The following SCN3A variants were observed in gnomAD, a reference collection of about 807,000 sequenced individuals.
SCN3A encodes the protein sodium voltage-gated channel alpha subunit 3.
A neutral mutation model predicts 187.6 loss-of-function variants in SCN3A; 60 were observed. The ratio of observed to expected loss-of-function variants is 0.32; its 90% confidence interval spans 0.26 to 0.40. The LOEUF (loss-of-function observed/expected upper bound fraction) is 0.40. SCN3A is among the 10% of genes least tolerant of loss of function. The pLI is 1.00. For synonymous variants in SCN3A, 788 were observed against 829.2 expected (o/e 0.95, Z 0.85); for missense variants, 1,601 against 2,428.2 (o/e 0.66, Z 7.16).
intron 17 of SCN3A, among the ~76,000 whole-genome samples, chr2:165,129,477 T>C (rs1687186694): frequency 6.6e-6 from 1 of 152,192 alleles, no homozygotes; most frequent in African/African-American, 2.4e-5. Context: ...TCTTCAAAAT[T>C]TGGTACTATG....
At chr2:165,157,916 AT>A (rs139629526) in intron 9 of SCN3A, among the ~76,000 whole-genome samples, 1 of 150,674 alleles carries the variant, frequency 6.6e-6, no homozygotes, top group African/African-American at 2.4e-5. Context: ...TGTGGGTTGC[AT>A]TTTTTTTTGT....
chr2:165,149,386 G>T (rs1688549343), intron 11 of SCN3A, among the ~76,000 whole-genome samples: 1 of 151,998 alleles, frequency 6.6e-6, no homozygotes, highest in East Asian at 1.9e-4. Flanking sequence ...TGTTGGCCAG[G>T]CTGATCTCAA....
At chr2:165,095,798 T>A (rs980271456) in intron 24 of SCN3A, 150 bp from the exon 25 acceptor site, 1 of 506,178 alleles carries the variant, frequency 2.0e-6, no homozygotes, top group African/African-American at 1.9e-5. Context: ...TTAAAACTAG[T>A]ATGATCTAGT....
intron 9 of SCN3A, among the ~76,000 whole-genome samples, chr2:165,161,137 CTTTTTTTTTTTTTTTTTTT>C (rs61608647): frequency 3.2e-5 from 3 of 93,368 alleles, no homozygotes; most frequent in Admixed American, 2.3e-4. Context: ...TTCTTTCTTT[CTTTTTTTTTTTTTTTTTTT>C]TTTTTTGTTT....
chr2:165,090,348 C>G lies in SCN3A; in HGVS notation c.5805G>C (p.Arg1935Ser), dbSNP rs1199409881. The G allele has an allele frequency of 6.2e-7, 1 of 1,613,076 alleles. No homozygotes were observed. Among genetic ancestry groups the G allele is most frequent in the East Asian group, 2.2e-5 (1 of 44,876 alleles). ...SNYNKEAIKG[R>S]IDLPIKQDMI... Reference sequence around the variant, plus strand: ...TGTCTTGTTTTATAGGTAAGTCAATCCTCCCTTTAATTGCCTCTTTGTTAT... The same window carrying G: ...TGTCTTGTTTTATAGGTAAGTCAATGCTCCCTTTAATTGCCTCTTTGTTAT... Residue 1935 changes from arginine to serine, a missense_variant, in exon 28 of 28, where the codon AGG (arginine) becomes AGC (serine). By Grantham distance (110) the Arg-to-Ser change is moderately radical. This residue lies in a region of SCN3A where 87 missense variants were observed against 89.2 expected (regional missense o/e 0.98). Coordinates refer to ENST00000283254, the MANE Select transcript of SCN3A (RefSeq NM_006922.4). The surrounding 1 kb of genome is among the most constrained non-coding windows in gnomAD (Gnocchi z 4.0).
chr2:165,187,354 G>A (rs915949717), intron 1 of SCN3A, among the ~76,000 whole-genome samples: 23 of 152,046 alleles, frequency 1.5e-4, no homozygotes, highest in Admixed American at 3.9e-4. Context: ...ACTTCTTTCC[G>A]CTATAACCAA....
At chr2:165,108,725 T>C (rs1292931006) in intron 21 of SCN3A, among the ~76,000 whole-genome samples, 1 of 152,190 alleles carries the variant, frequency 6.6e-6, no homozygotes, top group Non-Finnish European at 1.5e-5. Flanking sequence ...GTGTGGTCAA[T>C]AGCAGCATCT....
chr2:165,166,006 A>G (rs1689734148), intron 5 of SCN3A, among the ~76,000 whole-genome samples: 1 of 152,212 alleles, frequency 6.6e-6, no homozygotes, highest in Admixed American at 6.5e-5. Flanking sequence ...TGTGACACAC[A>G]TAATCACCGT....
chr2:165,126,491 TTTC>T (rs1395592786), intron 18 of SCN3A, among the ~76,000 whole-genome samples: 20 of 145,268 alleles, frequency 1.4e-4, no homozygotes, highest in Non-Finnish European at 2.9e-4. Flanking sequence ...CCTTCTTTTC[TTTC>T]TTTCTTTCCT....
intron 1 of SCN3A, among the ~76,000 whole-genome samples, chr2:165,193,263 A>G (rs977252559): frequency 5.3e-5 from 8 of 152,082 alleles, no homozygotes; most frequent in Non-Finnish European, 1.2e-4. Flanking sequence ...CTCTGGATCA[A>G]TAGTTTTTCT....
chr2:165,199,127 A>G (rs893933461), intron 1 of SCN3A, among the ~76,000 whole-genome samples: 2 of 152,052 alleles, frequency 1.3e-5, no homozygotes, highest in African/African-American at 2.4e-5. Context: ...TCTGAAAATC[A>G]GGAGATTAAA....
intron 3 of SCN3A, among the ~76,000 whole-genome samples, chr2:165,175,461 A>G (rs1474712618): frequency 6.6e-5 from 10 of 152,162 alleles, no homozygotes; most frequent in Non-Finnish European, 1.5e-4. Context: ...TAAATCATGT[A>G]TGGATGGAGA....
chr2:165,163,752 A>C (rs749480277), intron 6 of SCN3A, 43 bp from the exon 7 acceptor site: 1 of 1,613,528 alleles, frequency 6.2e-7, no homozygotes, highest in Non-Finnish European at 8.5e-7. Flanking sequence ...AACACACAAG[A>C]AAAGTTGGAG....
Position 165,127,769 on chromosome 2 carries a change from G to T in SCN3A, c.3255C>A (p.Ile1085=). 1 of 1,614,102 alleles carries T rather than the reference G, an allele frequency of 6.2e-7. No homozygotes were observed. The highest frequency in any genetic ancestry group is 8.5e-7 in the Non-Finnish European group (1 of 1,180,006). The change falls in exon 18 of 28, where the codon ATC becomes ATA. Residue 1085 remains isoleucine, a synonymous_variant. Transcript: ENST00000283254. ...TGAATGACATATAATCATTTTCATC[G>T]ATTACGTATTTTTCAACACTGCTTC... The part of the protein sequence containing the change: ...GTGSSVEKYV[I]DENDYMSFIN...
chr2:165,106,021 T>C (rs1036211878), intron 21 of SCN3A, among the ~76,000 whole-genome samples: 5 of 152,196 alleles, frequency 3.3e-5, no homozygotes, highest in Admixed American at 3.3e-4. Flanking sequence ...AATGCTCACA[T>C]GCTATATAAA....
At chr2:165,166,150 C>G (rs180744976) in intron 5 of SCN3A, among the ~76,000 whole-genome samples, 25 of 152,220 alleles carry the variant, frequency 1.6e-4, no homozygotes, top group Admixed American at 2.6e-4. Flanking sequence ...TATAGAGTTA[C>G]TAGGAATAAG....
intron 18 of SCN3A, among the ~76,000 whole-genome samples, chr2:165,120,235 A>T (rs537826673): frequency 6.6e-6 from 1 of 151,956 alleles, no homozygotes; most frequent in Non-Finnish European, 1.5e-5. Flanking sequence ...CTGAATATGA[A>T]GTTTTCAAGA....
Position 165,139,388 on chromosome 2 carries a change from A to G in SCN3A, c.2152+88T>C, listed in dbSNP as rs959625941. On this transcript the variant is annotated intron_variant, in intron 14 of 27. Transcript: ENST00000283254. ...CTAATATATAGTTTCGATCTGGGTA[A>G]CAGACTTCAGTAATTCTATGAAAAG... is the stretch of plus-strand genomic sequence containing the variant. The G allele has an allele frequency of 7.6e-6, 12 of 1,577,432 alleles. No individual in the cohort carries two copies. In the African/African-American group the frequency reaches 1.5e-4, roughly 19 times the overall value.
At chr2:165,134,009 T>C (rs955126713) in intron 15 of SCN3A, among the ~76,000 whole-genome samples, 6 of 152,184 alleles carry the variant, frequency 3.9e-5, no homozygotes, top group Admixed American at 3.3e-4. Flanking sequence ...AAAGTAAGTT[T>C]GCCACAAATT....
Sources: gnomAD v4.1 joint callset for allele counts (sites outside exome capture counted in the v4.1 genomes callset) on GRCh38, gnomAD v4.1.1 for gene constraint, gnomAD v4.1.1 regional missense constraint, Gnocchi (gnomAD v3.1) non-coding constraint, MANE v1.5 for transcripts, NCBI Gene and HGNC (gene_info 2026-07-23, HGNC 2026-07-21) for gene names.